The following DOCK1 variants were observed in gnomAD, a reference collection of about 807,000 sequenced individuals.
DOCK1 encodes the protein dedicator of cytokinesis protein 1.
Under a neutral mutation model 262.7 loss-of-function variants are expected in DOCK1, and 138 were observed. The observed-to-expected ratio is 0.53, with a 90% CI of 0.46 to 0.61. The LOEUF (loss-of-function observed/expected upper bound fraction) is 0.61. Among genes scored for constraint, DOCK1 ranks in the 20% least tolerant of loss-of-function variants. The pLI is 0.00. For missense variants in DOCK1, 1,908 were observed against 2,370.7 expected, an observed-to-expected ratio of 0.80 and a Z score of 4.05; for synonymous variants, 866 against 867.4, an observed-to-expected ratio of 1.00 and a Z score of 0.03.
chr10:127,358,024 T>G (rs909647672), intron 32 of DOCK1, among the ~76,000 whole-genome samples: 1 of 152,140 alleles, frequency 6.6e-6, no homozygotes, highest in Non-Finnish European at 1.5e-5. Context: ...ATTTTACTTT[T>G]TGTAAATGGG....
intron 2 of DOCK1, among the ~76,000 whole-genome samples, chr10:126,974,240 T>G (rs924603841): frequency 6.6e-6 from 1 of 152,130 alleles, no homozygotes; most frequent in Non-Finnish European, 1.5e-5. Context: ...TCCCCAGGGC[T>G]TCCATAGCGT....
intron 1 of DOCK1, among the ~76,000 whole-genome samples, chr10:126,966,645 T>C (rs1189878028): frequency 3.3e-5 from 5 of 152,186 alleles, no homozygotes; most frequent in Non-Finnish European, 5.9e-5. Context: ...AGCTTTTTTA[T>C]AGACAATCAG....
At chr10:127,020,759 G>A (rs1229652586) in intron 13 of DOCK1, among the ~76,000 whole-genome samples, 1 of 152,082 alleles carries the variant, frequency 6.6e-6, no homozygotes, top group Non-Finnish European at 1.5e-5. Flanking sequence ...GCCGCGCTGT[G>A]GGCACCAGAG....
At chr10:126,988,879 C>T (rs147415460) in intron 5 of DOCK1, among the ~76,000 whole-genome samples, 1,750 of 152,132 alleles carry the variant, frequency 0.012, 48 homozygotes, top group African/African-American at 0.04. Context: ...TTGAGACCAG[C>T]CCGGCCAACA....
At chr10:126,912,615 A>C (rs1420537371) in intron 1 of DOCK1, among the ~76,000 whole-genome samples, 6 of 150,744 alleles carry the variant, frequency 4.0e-5, no homozygotes, top group Non-Finnish European at 7.4e-5. Flanking sequence ...GGTCCCAGCT[A>C]CTCGGGAGGC....
At chr10:127,284,107 G>T (rs2061061494) in intron 29 of DOCK1, among the ~76,000 whole-genome samples, 1 of 152,046 alleles carries the variant, frequency 6.6e-6, no homozygotes, top group Admixed American at 6.5e-5. Flanking sequence ...TCCAAATGTA[G>T]TTTCTGTTTT....
At chr10:126,983,994 C>G (rs1449267833) in intron 4 of DOCK1, among the ~76,000 whole-genome samples, 1 of 152,158 alleles carries the variant, frequency 6.6e-6, no homozygotes, top group Non-Finnish European at 1.5e-5. Flanking sequence ...CACTGAAAGC[C>G]CCTCTTAACG....
chr10:127,023,133 T>C, intron 13 of DOCK1, 67 bp from the exon 14 acceptor site: 1 of 1,565,390 alleles, frequency 6.4e-7, no homozygotes, highest in Admixed American at 1.8e-5. Context: ...TAGACAGTCT[T>C]GCAAAATTCA....
At chr10:127,090,990 T>TC (rs2047492816) in intron 23 of DOCK1, among the ~76,000 whole-genome samples, 1 of 151,624 alleles carries the variant, frequency 6.6e-6, no homozygotes, top group African/African-American at 2.4e-5. Flanking sequence ...TTGGTTTTTT[T>TC]TTTTTTTTTG....
intron 25 of DOCK1, among the ~76,000 whole-genome samples, chr10:127,120,507 C>T (rs2049489028): frequency 1.3e-5 from 2 of 152,156 alleles, no homozygotes; most frequent in Non-Finnish European, 2.9e-5. Context: ...ACTAATGATA[C>T]ATATTTTACA....
At chr10:127,370,362 C>T (rs191019883) in intron 33 of DOCK1, among the ~76,000 whole-genome samples, 329 of 152,286 alleles carry the variant, frequency 2.2e-3, no homozygotes, top group Non-Finnish European at 3.7e-3. Context: ...TCCATCAAGG[C>T]GGTGAGTGGT....
intron 42 of DOCK1, among the ~76,000 whole-genome samples, chr10:127,409,761 T>C (rs961807577): frequency 5.9e-5 from 9 of 152,164 alleles, no homozygotes; most frequent in African/African-American, 2.2e-4. Context: ...AAAGCCAAGT[T>C]CATACATGTG....
chr10:127,274,334 C>T (rs1052750826), intron 29 of DOCK1, among the ~76,000 whole-genome samples: 4 of 152,264 alleles, frequency 2.6e-5, no homozygotes, highest in South Asian at 2.1e-4. Context: ...GCTGGGCTTA[C>T]GGTGATAGCC....
At chr10:127,205,108 A>AT (rs2057655044) in intron 27 of DOCK1, among the ~76,000 whole-genome samples, 1 of 151,564 alleles carries the variant, frequency 6.6e-6, no homozygotes, top group African/African-American at 2.4e-5. Context: ...AAAGGTACTG[A>AT]TTTTTTCCTT....
intron 29 of DOCK1, among the ~76,000 whole-genome samples, chr10:127,306,167 A>G (rs2061867882): frequency 6.6e-6 from 1 of 151,920 alleles, no homozygotes; most frequent in Non-Finnish European, 1.5e-5. Context: ...GGTGCCCAAC[A>G]CCATGCCCAG....
At chr10:127,339,644 T>C (rs886819865) in intron 30 of DOCK1, among the ~76,000 whole-genome samples, 1 of 150,006 alleles carries the variant, frequency 6.7e-6, no homozygotes, top group Admixed American at 6.7e-5. Flanking sequence ...TGTGTGTGTG[T>C]GTGTGCGCGC....
At chr10:126,952,022 G>A (rs1404092068) in intron 1 of DOCK1, among the ~76,000 whole-genome samples, 1 of 151,860 alleles carries the variant, frequency 6.6e-6, no homozygotes. Context: ...GCTAATTTTT[G>A]TATTCTTAGT....
intron 28 of DOCK1, among the ~76,000 whole-genome samples, chr10:127,250,082 A>C (rs562434430): frequency 6.6e-6 from 1 of 152,342 alleles, no homozygotes; most frequent in South Asian, 2.1e-4. Context: ...AGTGTAAAGC[A>C]TAGTTGTAGC....
At chr10:127,110,149 A>G in intron 24 of DOCK1, 99 bp from the exon 25 acceptor site, 7 of 937,308 alleles carry the variant, frequency 7.5e-6, no homozygotes, top group East Asian at 2.6e-5. Flanking sequence ...TACTGGTGAC[A>G]TTAATGACCA....
Sources: allele counts gnomAD v4.1 joint callset (sites outside exome capture counted in the v4.1 genomes callset), GRCh38; gene constraint gnomAD v4.1.1; transcripts MANE v1.5; gene names NCBI Gene and HGNC (gene_info 2026-07-23, HGNC 2026-07-21).